CCDC149: variants seen among roughly 807,000 people sequenced by gnomAD.
CCDC149 encodes coiled-coil domain containing 149.
A neutral mutation model predicts 59.9 loss-of-function variants in CCDC149; 45 were observed. The observed-to-expected ratio is 0.75, with a 90% CI of 0.59 to 0.96. The LOEUF (loss-of-function observed/expected upper bound fraction) is 0.96, where lower values mean the gene tolerates loss of function less well. Among genes scored for constraint, CCDC149 ranks in the 40% least tolerant of loss-of-function variants. The pLI is 0.00. For missense variants in CCDC149, 584 were observed against 664.7 expected, an observed-to-expected ratio of 0.88 and a Z score of 1.33; for synonymous variants, 245 against 260.6, an observed-to-expected ratio of 0.94 and a Z score of 0.58.
chr4:24,876,340 C>CACACACAG (rs1553854702), intron 2 of CCDC149, among the ~76,000 whole-genome samples, 196 bp downstream of exon 2: 1 of 103,226 alleles, frequency 9.7e-6, no homozygotes, highest in African/African-American at 4.2e-5. Flanking sequence ...CACACACACA[C>CACACACAG]AGAGAGAGAG....
intron 3 of CCDC149, among the ~76,000 whole-genome samples, chr4:24,865,967 G>A (rs565532420): frequency 6.6e-6 from 1 of 152,160 alleles, no homozygotes; most frequent in African/African-American, 2.4e-5. Flanking sequence ...CTGGTGTAAT[G>A]AAAAAATCAT....
chr4:24,822,466 A>C (rs916762272), intron 10 of CCDC149, 31 bp downstream of exon 10: 1 of 1,390,066 alleles, frequency 7.2e-7, no homozygotes, highest in African/African-American at 1.5e-5. Flanking sequence ...AAAAAAAAAA[A>C]GGAAAATTGT....
intron 1 of CCDC149, among the ~76,000 whole-genome samples, chr4:24,971,340 C>T (rs767895665): frequency 5.3e-5 from 8 of 152,176 alleles, no homozygotes; most frequent in African/African-American, 1.7e-4. Context: ...GGGGGACGCC[C>T]TCGGCCTGGG....
chr4:24,875,990 T>C (rs1186337892), intron 2 of CCDC149, among the ~76,000 whole-genome samples: 1 of 152,126 alleles, frequency 6.6e-6, no homozygotes, highest in Non-Finnish European at 1.5e-5. Context: ...TTGAATTGCA[T>C]GCTGTTCTGA....
At chr4:24,951,863 G>A (rs1723300657) in intron 1 of CCDC149, among the ~76,000 whole-genome samples, 1 of 152,156 alleles carries the variant, frequency 6.6e-6, no homozygotes, top group African/African-American at 2.4e-5. Context: ...CTTCACTAAA[G>A]CCCACACTGC....
chr4:24,813,514 AT>A (rs1303271526), intron 12 of CCDC149, among the ~76,000 whole-genome samples: 3,261 of 143,914 alleles, frequency 0.023, 218 homozygotes, highest in African/African-American at 0.077. Flanking sequence ...ATATATATAT[AT>A]ATATATATAT....
At chr4:24,863,097 A>G (rs1718479467) in intron 3 of CCDC149, among the ~76,000 whole-genome samples, 1 of 152,180 alleles carries the variant, frequency 6.6e-6, no homozygotes, top group Admixed American at 6.5e-5. Context: ...GTTTGAGACC[A>G]GCCTGACCAA....
intron 1 of CCDC149, among the ~76,000 whole-genome samples, chr4:24,968,476 C>T (rs1723869729): frequency 6.7e-6 from 1 of 150,282 alleles, no homozygotes. Context: ...ACGCTGAGTA[C>T]AAGTCCCTTA....
intron 3 of CCDC149, among the ~76,000 whole-genome samples, chr4:24,862,246 C>T (rs1014185886): frequency 6.6e-6 from 1 of 152,170 alleles, no homozygotes; most frequent in Non-Finnish European, 1.5e-5. Flanking sequence ...ATTGAAGTCA[C>T]ATGGCAGCTG....
At chr4:24,971,310 A>G (rs1723961977) in intron 1 of CCDC149, among the ~76,000 whole-genome samples, 1 of 152,168 alleles carries the variant, frequency 6.6e-6, no homozygotes, top group Non-Finnish European at 1.5e-5. Context: ...GCTCTGCCCT[A>G]TGGGCTTGTG....
intron 1 of CCDC149, among the ~76,000 whole-genome samples, chr4:24,880,229 A>G (rs1421449744): frequency 6.6e-6 from 1 of 152,220 alleles, no homozygotes; most frequent in Non-Finnish European, 1.5e-5. Context: ...TTGTGTTACA[A>G]TTGCCTTGTA....
At chr4:24,944,566 T>TA (rs1054330369) in intron 1 of CCDC149, among the ~76,000 whole-genome samples, 3 of 148,782 alleles carry the variant, frequency 2.0e-5, no homozygotes, top group Admixed American at 6.7e-5. Context: ...AAAAAAGACT[T>TA]AAAAAATAAA....
intron 1 of CCDC149, among the ~76,000 whole-genome samples, chr4:24,901,511 C>T (rs1247890118): frequency 2.0e-5 from 3 of 152,064 alleles, no homozygotes; most frequent in South Asian, 2.1e-4. Flanking sequence ...AGCACATATG[C>T]GAATTTCCCC....
At chr4:24,840,542 C>G (rs1216235218) in intron 4 of CCDC149, among the ~76,000 whole-genome samples, 1 of 152,122 alleles carries the variant, frequency 6.6e-6, no homozygotes, top group Admixed American at 6.6e-5. Context: ...CCACATTCTG[C>G]CTTCTTGTTT....
intron 2 of CCDC149, among the ~76,000 whole-genome samples, chr4:24,876,298 C>T (rs1333964553): frequency 8.9e-5 from 6 of 67,092 alleles, no homozygotes; most frequent in Admixed American, 5.1e-4. Context: ...CACGTACACA[C>T]ACACACACAC....
intron 12 of CCDC149, among the ~76,000 whole-genome samples, chr4:24,813,495 T>TATATATATATATATATATAC (rs1263179868): frequency 8.5e-4 from 11 of 12,992 alleles, no homozygotes; most frequent in African/African-American, 1.9e-3. Context: ...GGGGAATATA[T>TATATATATATATATATATAC]ATATATATAT....
intron 1 of CCDC149, among the ~76,000 whole-genome samples, chr4:24,899,773 T>C (rs2695227): frequency 0.92 from 140,575 of 152,154 alleles, 65,613 homozygotes; most frequent in Non-Finnish European, 1. Flanking sequence ...TGCCATTGTT[T>C]GGTTCCAGAA....
At chr4:24,805,699 GACC>G (rs1446126351), downstream of CCDC149, among the ~76,000 whole-genome samples, 2 of 152,142 alleles carry the variant, frequency 1.3e-5, no homozygotes, top group Admixed American at 6.5e-5. Context: ...GGTCTCATGC[GACC>G]ACAAGCCCCA....
At chr4:24,828,978 C>G (rs1715946486) in intron 9 of CCDC149, 1 of 152,382 alleles carries the variant, frequency 6.6e-6, no homozygotes, top group African/African-American at 2.4e-5. Context: ...GTGAATCAAT[C>G]TGTCAGAGGA....
Sources: allele counts gnomAD v4.1 joint callset (sites outside exome capture counted in the v4.1 genomes callset), GRCh38; gene constraint gnomAD v4.1.1; transcripts MANE v1.5; gene names NCBI Gene and HGNC (gene_info 2026-07-23, HGNC 2026-07-21).